Variants in MKNK1 observed in about 807,000 individuals in gnomAD.
The protein encoded by MKNK1 is MAP kinase-interacting serine/threonine-protein kinase 1.
MKNK1 carries 30 observed loss-of-function variants against 49.3 expected under a neutral mutation model. The observed-to-expected ratio is 0.61, with a 90% CI of 0.46 to 0.83. The LOEUF is 0.83. Ranked by LOEUF, MKNK1 falls within the 40% of genes least tolerant of loss-of-function variation. The pLI, the probability that MKNK1 is intolerant of heterozygous loss-of-function variation, is 0.00. For synonymous variants in MKNK1, 176 were observed against 201.7 expected, an observed-to-expected ratio of 0.87 and a Z score of 1.08; for missense variants, 423 against 524.7, an observed-to-expected ratio of 0.81 and a Z score of 1.89.
At chr1:46,586,189 C>T in intron 2 of MKNK1, 3 of 322,692 alleles carry the variant, frequency 9.3e-6, no homozygotes, top group South Asian at 7.6e-5. Flanking sequence ...ATAAATGCTG[C>T]CTCAGGGAGT....
intron 4 of MKNK1, among the ~76,000 whole-genome samples, chr1:46,579,590 A>T (rs1671457674): frequency 6.6e-6 from 1 of 152,188 alleles, no homozygotes; most frequent in Non-Finnish European, 1.5e-5. Flanking sequence ...GTTTGTTAAC[A>T]TTTGTATTGC....
At chr1:46,583,355 G>T in intron 2 of MKNK1, 26 bp from the exon 3 acceptor site, 1 of 1,549,374 alleles carries the variant, frequency 6.5e-7, no homozygotes, top group Non-Finnish European at 8.9e-7. Context: ...AGATGTAAGG[G>T]AAACATCACT....
rs762814393 is a variant in MKNK1 at position 46,572,170 on chromosome 1, G to A, written c.353-3C>T. On this transcript the variant is annotated splice_region_variant and splice_polypyrimidine_tract_variant and intron_variant, in intron 6 of 12. Transcript: ENST00000371945. ...CTGGATGTGGGCTAAGATGGAACCT[G>A]GGGAGCAGAGGGGACATAGAAGAAT... 1 of 1,612,906 alleles carries A rather than the reference G, an allele frequency of 6.2e-7. No individual in the cohort carries two copies. The highest frequency in any genetic ancestry group is 2.2e-5 in the East Asian group (1 of 44,870).
intron 1 of MKNK1, among the ~76,000 whole-genome samples, chr1:46,596,163 T>A (rs1168795907): frequency 6.6e-6 from 1 of 152,234 alleles, no homozygotes; most frequent in Non-Finnish European, 1.5e-5. Context: ...AGATGGTAAA[T>A]ATTTTAAGCT....
At chr1:46,604,016 CG>C (rs1362843951) in intron 1 of MKNK1, 168 bp downstream of exon 1, 2 of 148,440 alleles carry the variant, frequency 1.3e-5, no homozygotes, top group Admixed American at 1.3e-4. Context: ...GCAGACAGCT[CG>C]GGACAGTCCT....
chr1:46,569,360 T>C (rs1669684953), intron 7 of MKNK1: 4 of 152,252 alleles, frequency 2.6e-5, no homozygotes, highest in Admixed American at 2.6e-4. Flanking sequence ...AGAGCCCTCT[T>C]CTAACCAAAG....
At chr1:46,574,670 G>A in intron 6 of MKNK1, 2 of 358,422 alleles carry the variant, frequency 5.6e-6, no homozygotes, top group Non-Finnish European at 1.0e-5. Flanking sequence ...ATGTCAAAAC[G>A]GGATTGATAA....
intron 6 of MKNK1, 76 bp from the exon 7 acceptor site, chr1:46,572,243 TCACTCTGTTACC>T: frequency 8.0e-7 from 1 of 1,256,010 alleles, no homozygotes. Context: ...AGACGAAGTC[TCACTCTGTTACC>T]CAGGCTGGAG....
At position 46,574,990 on chromosome 1, in the gene MKNK1, T is replaced by C; in HGVS notation, c.309A>G (p.Glu103=). The C allele has an allele frequency of 2.5e-6, 4 of 1,613,342 alleles. No homozygotes were observed. In the Middle Eastern group the frequency reaches 5.0e-4, roughly 200 times the overall value. The change falls in exon 6 of 13, where the codon GAA becomes GAG. Residue 103 remains glutamate (E), a synonymous_variant. Transcript: ENST00000371945. ...AGACCAAGTAAAACCTTGTGTCATC[T>C]TCAAAGAACTCAATCAGCTCCAAAA... ...KNILELIEFF[E]DDTRFYLVFE... is the part of the protein sequence containing the mutation.
chr1:46,595,870 G>A (rs1306715103), intron 1 of MKNK1, among the ~76,000 whole-genome samples: 1 of 152,158 alleles, frequency 6.6e-6, no homozygotes, highest in African/African-American at 2.4e-5. Flanking sequence ...TCCCACCTCA[G>A]CCTCCCAAGT....
chr1:46,580,848 G>C (rs1170760242), intron 3 of MKNK1, among the ~76,000 whole-genome samples: 1 of 152,128 alleles, frequency 6.6e-6, no homozygotes, highest in East Asian at 1.9e-4. Context: ...TCATTTTAGC[G>C]ATGAGGTTAG....
rs919891868 is a variant in MKNK1, at chr1:46,589,731, A to G, written c.-3+4382T>C. Among the ~76,000 whole-genome samples, 5 of 152,126 alleles carry G rather than the reference A, an allele frequency of 3.3e-5. No individual in the cohort carries two copies. Among genetic ancestry groups the G allele is most frequent in the Non-Finnish European group, 7.4e-5 (5 of 68,010 alleles). On this transcript the variant is annotated intron_variant, in intron 2 of 12. Coordinates refer to ENST00000371945, the MANE Select transcript of MKNK1 (RefSeq NM_001135553.4). This position sits in a 1 kb window ranked among gnomAD's most constrained non-coding sequence, Gnocchi z 4.3. The stretch of plus-strand genomic sequence containing the variant: ...CTCCCTAGAAGGACTACTGCAGCAC[A>G]GAGATTCCTGACATGCAAGCATCCA...
intron 4 of MKNK1, among the ~76,000 whole-genome samples, chr1:46,579,605 C>T: frequency 6.6e-6 from 1 of 152,160 alleles, no homozygotes; most frequent in South Asian, 2.1e-4. Context: ...TATTGCTGGG[C>T]CCACCCCTGT....
intron 2 of MKNK1, among the ~76,000 whole-genome samples, chr1:46,592,898 A>G (rs2148751222): frequency 6.6e-6 from 1 of 152,264 alleles, no homozygotes; most frequent in Non-Finnish European, 1.5e-5. Flanking sequence ...GGACCATCAA[A>G]CAGGGGGAAA....
At chr1:46,568,770 C>T in intron 7 of MKNK1, 1 of 468,054 alleles carries the variant, frequency 2.1e-6, no homozygotes, top group East Asian at 4.1e-5. Flanking sequence ...CCCTCAGTAC[C>T]ACAGTGACCA....
intron 4 of MKNK1, among the ~76,000 whole-genome samples, chr1:46,578,369 G>GA (rs1322537829): frequency 2.6e-5 from 4 of 152,118 alleles, no homozygotes; most frequent in Admixed American, 2.0e-4. Flanking sequence ...AAGAGTAGGG[G>GA]AGAGAAGAAA....
intron 1 of MKNK1, among the ~76,000 whole-genome samples, chr1:46,598,732 A>G (rs564111678): frequency 6.6e-6 from 1 of 152,324 alleles, no homozygotes; most frequent in Admixed American, 6.5e-5. Context: ...ACAGGTAGCA[A>G]GTGACAGAGC....
At chr1:46,571,792 A>G (rs532930634) in intron 7 of MKNK1, among the ~76,000 whole-genome samples, 2 of 152,284 alleles carry the variant, frequency 1.3e-5, no homozygotes, top group East Asian at 3.9e-4. Context: ...ACCCTGTTCA[A>G]TGTGAAATTT....
chr1:46,600,634 G>C (rs1195638774), intron 1 of MKNK1, among the ~76,000 whole-genome samples: 1 of 152,226 alleles, frequency 6.6e-6, no homozygotes, highest in East Asian at 1.9e-4. Flanking sequence ...GGAGATCTGG[G>C]AGCAAGCTCT....
Sources: gnomAD v4.1 joint callset for allele counts (sites outside exome capture counted in the v4.1 genomes callset) on GRCh38, gnomAD v4.1.1 for gene constraint, Gnocchi (gnomAD v3.1) non-coding constraint, MANE v1.5 for transcripts, NCBI Gene and HGNC (gene_info 2026-07-23, HGNC 2026-07-21) for gene names.